The following PAPPA variants were observed in gnomAD, a reference collection of about 807,000 sequenced individuals.
PAPPA encodes the protein pappalysin-1.
A neutral mutation model predicts 164.0 loss-of-function variants in PAPPA; 60 were observed. That is an observed-to-expected ratio of 0.37 (90% CI 0.30 to 0.45). The LOEUF (loss-of-function observed/expected upper bound fraction) is 0.45, where lower values mean the gene tolerates loss of function less well. PAPPA is among the 20% of genes least tolerant of loss of function. The pLI is 1.00. For missense variants in PAPPA, 1,782 were observed against 2,087.3 expected (o/e 0.85, Z 2.85); for synonymous variants, 875 against 814.1 (o/e 1.07, Z -1.27).
intron 10 of PAPPA, among the ~76,000 whole-genome samples, chr9:116,317,694 C>T (rs1489848680): frequency 2.0e-5 from 3 of 152,176 alleles, no homozygotes; most frequent in African/African-American, 4.8e-5. Flanking sequence ...TGCTCTAGAA[C>T]TGACAATGCC....
At chr9:116,356,739 T>C (rs1338971850) in intron 17 of PAPPA, among the ~76,000 whole-genome samples, 1 of 152,228 alleles carries the variant, frequency 6.6e-6, no homozygotes, top group Non-Finnish European at 1.5e-5. Flanking sequence ...ACCAGTACCA[T>C]GCTGTTTTGG....
intron 1 of PAPPA, among the ~76,000 whole-genome samples, chr9:116,161,980 C>A (rs769963162): frequency 3.3e-5 from 5 of 152,110 alleles, no homozygotes; most frequent in Non-Finnish European, 7.3e-5. Flanking sequence ...TTAGGGACTC[C>A]CCCAAGGTCG....
intron 1 of PAPPA, among the ~76,000 whole-genome samples, chr9:116,162,423 C>A (rs929679596): frequency 1.3e-5 from 2 of 152,116 alleles, no homozygotes; most frequent in Admixed American, 1.3e-4. Context: ...GAGAGCAATT[C>A]TAGAGCCTTC....
intron 7 of PAPPA, among the ~76,000 whole-genome samples, chr9:116,249,903 G>T (rs563168807): frequency 6.6e-6 from 1 of 152,296 alleles, no homozygotes; most frequent in East Asian, 1.9e-4. Context: ...TTCACCTTCA[G>T]CCACAACATT....
intron 21 of PAPPA, among the ~76,000 whole-genome samples, chr9:116,386,809 G>A (rs545036251): frequency 9.9e-5 from 15 of 152,114 alleles, no homozygotes; most frequent in African/African-American, 1.2e-4. Context: ...GATGGGGTCG[G>A]GGGAAGATAA....
intron 2 of PAPPA, among the ~76,000 whole-genome samples, chr9:116,192,272 C>G (rs1223394798): frequency 1.3e-5 from 2 of 152,134 alleles, no homozygotes; most frequent in African/African-American, 4.8e-5. Context: ...AGCCTAGAGA[C>G]AGCCAGCCCA....
rs558165724 is a variant in PAPPA at position 116,400,371 on chromosome 9, T to C, written c.*3755T>C. On this transcript the variant is annotated 3_prime_UTR_variant, in exon 22 of 22. Transcript: ENST00000328252. Reference sequence around the variant, plus strand: ...TACATTGTGGTAGGTCCAGGAAATATGACATTTTCCCCCTTGATGTGTTAT... The same window carrying C: ...TACATTGTGGTAGGTCCAGGAAATACGACATTTTCCCCCTTGATGTGTTAT... The C allele has an allele frequency of 3.4e-4, 51 of 152,230 alleles. No homozygotes were observed. In the South Asian group the frequency reaches 5.0e-3, roughly 15 times the overall value. 9.4% of individuals were successfully genotyped at this position (152,230 alleles called of 1,614,324 possible). A position where few individuals can be genotyped will look rare whatever the true frequency, so the allele number is the denominator to read the frequency against.
At chr9:116,374,928 C>T (rs948625376) in intron 19 of PAPPA, among the ~76,000 whole-genome samples, 6 of 152,240 alleles carry the variant, frequency 3.9e-5, no homozygotes, top group Non-Finnish European at 7.3e-5. Context: ...TGAAACAACC[C>T]AAATTCCCTC....
intron 13 of PAPPA, among the ~76,000 whole-genome samples, chr9:116,338,681 G>A (rs1363701260): frequency 2.0e-5 from 3 of 152,170 alleles, no homozygotes; most frequent in Non-Finnish European, 4.4e-5. Flanking sequence ...TCACTAGTCT[G>A]GGGAATATAA....
chr9:116,192,586 C>T (rs1844055891), intron 2 of PAPPA, among the ~76,000 whole-genome samples: 1 of 152,156 alleles, frequency 6.6e-6, no homozygotes. Flanking sequence ...ACAGAGAAGT[C>T]AACACCCCAC....
chr9:116,171,718 C>G (rs1301534687), intron 1 of PAPPA, among the ~76,000 whole-genome samples: 2 of 152,174 alleles, frequency 1.3e-5, no homozygotes, highest in Non-Finnish European at 2.9e-5. Context: ...GTCTGACTTT[C>G]TCTGTCTCCT....
rs573326322 is a variant in PAPPA, at chr9:116,345,459, C to T, written c.3780+748C>T. On this transcript the variant is annotated intron_variant, in intron 14 of 21. Transcript: ENST00000328252. ...GAGAAAAAAAAAAAAAAAAACATGC[C>T]ACAGATTTTTTTGTTTGTTTGTTTT... Among the ~76,000 whole-genome samples, 8 of 151,578 alleles carry T rather than the reference C, an allele frequency of 5.3e-5. No individual in the cohort carries two copies. In the East Asian group the frequency reaches 1.5e-3, roughly 29 times the overall value.
chr9:116,288,436 TCCC>T (rs1845369928), intron 9 of PAPPA, among the ~76,000 whole-genome samples: 1 of 32,942 alleles, frequency 3.0e-5, no homozygotes, highest in Non-Finnish European at 6.6e-5. Context: ...CCTCCCTCCC[TCCC>T]TCCCTCCCTT....
At chr9:116,230,406 A>G (rs545388584) in intron 6 of PAPPA, among the ~76,000 whole-genome samples, 3 of 152,318 alleles carry the variant, frequency 2.0e-5, no homozygotes, top group East Asian at 3.9e-4. Context: ...GGTTGGGGAA[A>G]AAACATGGGG....
intron 10 of PAPPA, among the ~76,000 whole-genome samples, chr9:116,306,695 A>C (rs945606110): frequency 1.3e-5 from 2 of 152,178 alleles, no homozygotes. Flanking sequence ...AGTGCTTGCA[A>C]ATATCTTGTA....
intron 20 of PAPPA, among the ~76,000 whole-genome samples, chr9:116,380,386 G>A (rs1426597582): frequency 1.3e-5 from 2 of 152,134 alleles, no homozygotes; most frequent in Non-Finnish European, 2.9e-5. Context: ...AACTAGTGAT[G>A]GGACTGGAGA....
intron 7 of PAPPA, among the ~76,000 whole-genome samples, chr9:116,258,106 T>A (rs1489235469): frequency 6.6e-6 from 1 of 151,942 alleles, no homozygotes; most frequent in African/African-American, 2.4e-5. Flanking sequence ...AAAGATAAAC[T>A]GTGTGCATAA....
intron 10 of PAPPA, among the ~76,000 whole-genome samples, chr9:116,323,744 T>G (rs537978336): frequency 3.3e-5 from 5 of 151,912 alleles, no homozygotes; most frequent in African/African-American, 9.6e-5. Context: ...TTTGTTTCTT[T>G]GTTTGTTTTA....
intron 10 of PAPPA, among the ~76,000 whole-genome samples, chr9:116,330,186 T>G (rs1349946880): frequency 6.6e-6 from 1 of 152,116 alleles, no homozygotes; most frequent in Non-Finnish European, 1.5e-5. Context: ...ACAGGGAAGT[T>G]TTGTGAGAGA....
Sources: allele counts gnomAD v4.1 joint callset (sites outside exome capture counted in the v4.1 genomes callset), GRCh38; gene constraint gnomAD v4.1.1; transcripts MANE v1.5; gene names NCBI Gene and HGNC (gene_info 2026-07-23, HGNC 2026-07-21).